The following SHISA6 variants were observed in gnomAD, a reference collection of about 807,000 sequenced individuals.
The protein encoded by SHISA6 is shisa family member 6, also known as protein shisa-6.
SHISA6 carries 22 observed loss-of-function variants against 47.9 expected under a neutral mutation model. The ratio of observed to expected loss-of-function variants is 0.46; its 90% CI spans 0.33 to 0.66. The LOEUF (loss-of-function observed/expected upper bound fraction) is 0.66, where lower values mean the gene tolerates loss of function less well. Ranked by LOEUF, SHISA6 falls within the 30% of genes least tolerant of loss-of-function variation. The probability of loss-of-function intolerance (pLI) is 0.02; values close to 1 mark genes in which losing one functional copy is unlikely to be tolerated. For synonymous variants in SHISA6, 388 were observed against 337.8 expected, an observed-to-expected ratio of 1.15 and a Z score of -1.63; for missense variants, 680 against 764.6, an observed-to-expected ratio of 0.89 and a Z score of 1.30.
intron 3 of SHISA6, among the ~76,000 whole-genome samples, chr17:11,509,126 T>C (rs1369293282): frequency 2.0e-5 from 3 of 152,128 alleles, no homozygotes; most frequent in African/African-American, 4.8e-5. Flanking sequence ...TGCACAGCCT[T>C]AGTCTCTTGG....
At chr17:11,345,243 T>C (rs1023242733) in intron 2 of SHISA6, among the ~76,000 whole-genome samples, 2 of 152,164 alleles carry the variant, frequency 1.3e-5, no homozygotes, top group African/African-American at 4.8e-5. Context: ...TGAGTAGTGC[T>C]GCAATAAACA....
At chr17:11,264,300 C>G (rs1214778922) in intron 2 of SHISA6, among the ~76,000 whole-genome samples, 1 of 152,180 alleles carries the variant, frequency 6.6e-6, no homozygotes, top group Non-Finnish European at 1.5e-5. Flanking sequence ...CCACAGCAAT[C>G]TTAGAAGTAC....
rs978590410 is a variant in SHISA6, at chr17:11,334,360, G to A, written c.800-45054G>A. On this transcript the variant is annotated intron_variant, in intron 2 of 5. Transcript: ENST00000441885. Reference sequence around the variant, plus strand: ...AATTCACCCAGTTGGTGTCAGAAGCGTTGTGAGTAAAAACAGCTTTTTGAG... The same window carrying A: ...AATTCACCCAGTTGGTGTCAGAAGCATTGTGAGTAAAAACAGCTTTTTGAG... Among the ~76,000 whole-genome samples the A allele has an allele frequency of 3.9e-5, 6 of 152,248 alleles. 1 individual carries two copies. The highest frequency in any genetic ancestry group is 4.8e-5 in the African/African-American group (2 of 41,552).
chr17:11,423,419 C>G (rs1914517330), intron 3 of SHISA6, among the ~76,000 whole-genome samples: 1 of 151,786 alleles, frequency 6.6e-6, no homozygotes, highest in South Asian at 2.1e-4. Context: ...CTCTCGCTAA[C>G]TGCAACTGTT....
At chr17:11,306,547 G>T (rs1191151937) in intron 2 of SHISA6, among the ~76,000 whole-genome samples, 2 of 152,174 alleles carry the variant, frequency 1.3e-5, no homozygotes, top group African/African-American at 4.8e-5. Context: ...TGGGGTCTTC[G>T]TTTGTGTCCT....
chr17:11,482,351 A>G (rs1023898747), intron 3 of SHISA6, among the ~76,000 whole-genome samples: 1 of 152,258 alleles, frequency 6.6e-6, no homozygotes, highest in African/African-American at 2.4e-5. Flanking sequence ...TCTCCGTAAC[A>G]TAAGTTTATG....
At chr17:11,271,586 C>T (rs1302460782) in intron 2 of SHISA6, among the ~76,000 whole-genome samples, 1 of 147,284 alleles carries the variant, frequency 6.8e-6, no homozygotes, top group Non-Finnish European at 1.5e-5. Flanking sequence ...TACAGGTGCA[C>T]ACCACCACGC....
At chr17:11,546,644 G>A (rs1428146543) in intron 3 of SHISA6, among the ~76,000 whole-genome samples, 1 of 152,170 alleles carries the variant, frequency 6.6e-6, no homozygotes, top group African/African-American at 2.4e-5. Flanking sequence ...AAAGGGGCCA[G>A]TCGCAGTGGC....
At chr17:11,420,343 A>C (rs545591727) in intron 3 of SHISA6, among the ~76,000 whole-genome samples, 1 of 152,308 alleles carries the variant, frequency 6.6e-6, no homozygotes, top group South Asian at 2.1e-4. Context: ...ACATTGAATA[A>C]AGCATTCCCA....
chr17:11,296,410 C>G (rs988435765), intron 2 of SHISA6, among the ~76,000 whole-genome samples: 21 of 152,008 alleles, frequency 1.4e-4, no homozygotes, highest in African/African-American at 5.1e-4. Context: ...CAAGGCAAAA[C>G]CAGTGGGGCT....
chr17:11,421,311 C>T (rs2082919257), intron 3 of SHISA6, among the ~76,000 whole-genome samples: 2 of 152,286 alleles, frequency 1.3e-5, no homozygotes, highest in Non-Finnish European at 2.9e-5. Flanking sequence ...GCAGATTCAG[C>T]AGAGGCATGG....
chr17:11,269,833 G>T lies in SHISA6; in HGVS notation c.799+6307G>T, dbSNP rs180969432. Among the ~76,000 whole-genome samples, 10 of 152,308 alleles carry T rather than the reference G, an allele frequency of 6.6e-5. No individual in the cohort carries two copies. In the East Asian group the frequency reaches 1.9e-3, roughly 29 times the overall value. ...CACTTAAGTGGGAGGTGACATCAAT[G>T]TAGGTATAAAGCAATCGAAGCGCAT... is the stretch of plus-strand genomic sequence containing the variant. On this transcript the variant is annotated intron_variant, in intron 2 of 5. Transcript: ENST00000441885.
At chr17:11,354,353 G>A (rs1365300046) in intron 2 of SHISA6, among the ~76,000 whole-genome samples, 1 of 152,030 alleles carries the variant, frequency 6.6e-6, no homozygotes, top group Non-Finnish European at 1.5e-5. Flanking sequence ...TGGGTAGCTG[G>A]GTTTTGACAC....
At chr17:11,415,197 T>C (rs1388365209) in intron 3 of SHISA6, among the ~76,000 whole-genome samples, 1 of 152,212 alleles carries the variant, frequency 6.6e-6, no homozygotes, top group African/African-American at 2.4e-5. Context: ...ACTAAGTATT[T>C]GTATGTGATC....
intron 1 of SHISA6, among the ~76,000 whole-genome samples, chr17:11,250,241 GT>G (rs1907750168): frequency 6.6e-6 from 1 of 152,198 alleles, no homozygotes; most frequent in Admixed American, 6.5e-5. Context: ...GAGGCTCGGG[GT>G]CAGAGCCAGA....
chr17:11,305,642 G>A (rs1052146534), intron 2 of SHISA6, among the ~76,000 whole-genome samples: 44 of 152,188 alleles, frequency 2.9e-4, no homozygotes, highest in Non-Finnish European at 1.3e-4. Context: ...TTGGTGTTGC[G>A]GGTGGCTCTG....
intron 3 of SHISA6, among the ~76,000 whole-genome samples, chr17:11,413,744 A>G (rs8077318): frequency 0.057 from 8,612 of 152,166 alleles, 263 homozygotes; most frequent in East Asian, 0.088. Context: ...GGGCAGAGCC[A>G]TGTTCCGCTT....
intron 2 of SHISA6, among the ~76,000 whole-genome samples, chr17:11,323,913 C>T (rs1311693015): frequency 6.6e-6 from 1 of 152,080 alleles, no homozygotes; most frequent in African/African-American, 2.4e-5. Context: ...ATCCAAAGCA[C>T]TTATTTTTCA....
chr17:11,390,663 A>C (rs1364967062), intron 3 of SHISA6, among the ~76,000 whole-genome samples: 1 of 152,208 alleles, frequency 6.6e-6, no homozygotes, highest in South Asian at 2.1e-4. Flanking sequence ...TCTAAGATTC[A>C]TATGCCACAC....
Sources: allele counts gnomAD v4.1 joint callset (sites outside exome capture counted in the v4.1 genomes callset), GRCh38; gene constraint gnomAD v4.1.1; transcripts MANE v1.5; gene names NCBI Gene and HGNC (gene_info 2026-07-23, HGNC 2026-07-21).